Variants in SRPK2 observed in about 807,000 individuals in gnomAD.
SRPK2 encodes the protein SFRS protein kinase 2.
SRPK2 carries 21 observed loss-of-function variants against 90.8 expected under a neutral mutation model. That is an observed-to-expected ratio of 0.23 (90% CI 0.16 to 0.33). The LOEUF (loss-of-function observed/expected upper bound fraction) is 0.33, where lower values mean the gene tolerates loss of function less well. Among genes scored for constraint, SRPK2 ranks in the 10% least tolerant of loss-of-function variants. SRPK2 has a pLI of 1.00. For missense variants in SRPK2, 620 were observed against 869.0 expected, an observed-to-expected ratio of 0.71 and a Z score of 3.60; for synonymous variants, 288 against 311.1, an observed-to-expected ratio of 0.93 and a Z score of 0.78.
chr7:105,253,302 T>C (rs750341449), intron 2 of SRPK2, among the ~76,000 whole-genome samples: 3 of 152,226 alleles, frequency 2.0e-5, no homozygotes, highest in Non-Finnish European at 4.4e-5. Context: ...GTCTACAGCA[T>C]ATCTTATAGC....
intron 3 of SRPK2, among the ~76,000 whole-genome samples, chr7:105,187,770 T>G (rs1793778289): frequency 6.6e-6 from 1 of 152,112 alleles, no homozygotes; most frequent in Non-Finnish European, 1.5e-5. Flanking sequence ...ATATGCGTGG[T>G]GTAGTAAGCA....
intron 3 of SRPK2, among the ~76,000 whole-genome samples, chr7:105,182,768 A>G (rs1437598060): frequency 6.6e-6 from 1 of 152,190 alleles, no homozygotes; most frequent in Non-Finnish European, 1.5e-5. Context: ...GTGCCTGGCA[A>G]GTTTTGACTT....
intron 3 of SRPK2, among the ~76,000 whole-genome samples, chr7:105,195,007 G>A (rs1230136117): frequency 6.6e-6 from 1 of 152,128 alleles, no homozygotes; most frequent in Non-Finnish European, 1.5e-5. Flanking sequence ...ACCACATACT[G>A]CTGACATTTT....
intron 2 of SRPK2, among the ~76,000 whole-genome samples, chr7:105,385,906 C>T (rs1187918053): frequency 6.6e-6 from 1 of 152,104 alleles, no homozygotes; most frequent in Non-Finnish European, 1.5e-5. Context: ...TTAACATGTC[C>T]CATCTTCATT....
intron 2 of SRPK2, among the ~76,000 whole-genome samples, chr7:105,291,447 G>T (rs999866001): frequency 1.3e-5 from 2 of 152,166 alleles, no homozygotes; most frequent in Non-Finnish European, 2.9e-5. Flanking sequence ...CACTTTGTGA[G>T]GCTGGGCACA....
At chr7:105,315,456 A>G (rs1284521941) in intron 2 of SRPK2, among the ~76,000 whole-genome samples, 1 of 152,220 alleles carries the variant, frequency 6.6e-6, no homozygotes, top group Non-Finnish European at 1.5e-5. Flanking sequence ...TCATACATGT[A>G]AAGTGCTTAA....
At chr7:105,363,662 GCCATC>G in intron 2 of SRPK2, among the ~76,000 whole-genome samples, 1 of 152,218 alleles carries the variant, frequency 6.6e-6, no homozygotes, top group East Asian at 1.9e-4. Context: ...ATTTGACCCA[GCCATC>G]TCATTACTGG....
intron 2 of SRPK2, among the ~76,000 whole-genome samples, chr7:105,316,770 T>C (rs887780511): frequency 6.6e-6 from 1 of 152,240 alleles, no homozygotes; most frequent in Non-Finnish European, 1.5e-5. Context: ...TACATCCATG[T>C]GGAGGCAAGC....
At chr7:105,274,014 G>A (rs1468689511) in intron 2 of SRPK2, among the ~76,000 whole-genome samples, 2 of 152,154 alleles carry the variant, frequency 1.3e-5, no homozygotes, top group Non-Finnish European at 2.9e-5. Context: ...AGATACTGGA[G>A]GCAATCACAT....
chr7:105,232,068 G>A (rs1799489615), intron 2 of SRPK2, among the ~76,000 whole-genome samples: 2 of 152,198 alleles, frequency 1.3e-5, no homozygotes, highest in South Asian at 4.2e-4. Flanking sequence ...TGCCTAGACT[G>A]GTCTCGAACT....
chr7:105,298,874 T>A, intron 2 of SRPK2: 1 of 823,184 alleles, frequency 1.2e-6, no homozygotes, highest in Non-Finnish European at 1.5e-6. Context: ...AGGGAGACAA[T>A]GTAGGCCAAC....
At chr7:105,143,001 A>G in intron 10 of SRPK2, 83 bp downstream of exon 10, 1 of 1,525,532 alleles carries the variant, frequency 6.6e-7, no homozygotes, top group Non-Finnish European at 8.8e-7. Flanking sequence ...AGCAGCACAA[A>G]TCAGCCCCCA....
At position 105,132,782 on chromosome 7, in the gene SRPK2, C is replaced by G; in HGVS notation, c.1752+9G>C. 1.3e-6 allele frequency: 2 copies of G among 1,599,496 alleles called. No homozygotes were observed. Among genetic ancestry groups the G allele is most frequent in the South Asian group, 2.2e-5 (2 of 89,536 alleles). ...TTCCCATGGCAGCAAAGGGCACAGC[C>G]GTCCTTACCATACACGCCGTGCTCC... On this transcript the variant is annotated intron_variant, in intron 13 of 15. Coordinates refer to ENST00000393651, the MANE Select transcript of SRPK2 (RefSeq NM_182692.3).
intron 2 of SRPK2, among the ~76,000 whole-genome samples, chr7:105,267,072 A>C (rs1563168829): frequency 6.6e-6 from 1 of 152,240 alleles, no homozygotes; most frequent in Non-Finnish European, 1.5e-5. Flanking sequence ...TGAAGTTATC[A>C]GAAGCAATAG....
At chr7:105,191,869 A>AT (rs1415507851) in intron 3 of SRPK2, among the ~76,000 whole-genome samples, 2 of 150,804 alleles carry the variant, frequency 1.3e-5, no homozygotes, top group Non-Finnish European at 3.0e-5. Flanking sequence ...TTTGTAAAAA[A>AT]AAACAAAAAA....
chr7:105,363,788 T>C (rs1451770432), intron 2 of SRPK2, among the ~76,000 whole-genome samples: 1 of 152,190 alleles, frequency 6.6e-6, no homozygotes, highest in Non-Finnish European at 1.5e-5. Context: ...CCAACCCAAA[T>C]GTCCATCAAT....
chr7:105,384,414 G>C lies in SRPK2; in HGVS notation c.71+4234C>G, dbSNP rs527925638. Among the ~76,000 whole-genome samples, 5 of 152,186 alleles carry C rather than the reference G, an allele frequency of 3.3e-5. No individual in the cohort carries two copies. In the East Asian group the frequency reaches 9.6e-4, roughly 29 times the overall value. On this transcript the variant is annotated intron_variant, in intron 2 of 15. Coordinates refer to ENST00000393651, the MANE Select transcript of SRPK2 (RefSeq NM_182692.3). ...CAATTTCCAGTGTACCATAAAAGTA[G>C]CCTCTAGGAACTGGCTCAATTCATA...
chr7:105,258,432 A>AAAG (rs1563157205), intron 2 of SRPK2, among the ~76,000 whole-genome samples: 7 of 146,674 alleles, frequency 4.8e-5, no homozygotes, highest in African/African-American at 1.5e-4. Flanking sequence ...AAAAAAAAAA[A>AAAG]AAAGAAAGAA....
chr7:105,228,703 A>G (rs761558832), intron 2 of SRPK2, among the ~76,000 whole-genome samples: 1 of 152,192 alleles, frequency 6.6e-6, no homozygotes, highest in Non-Finnish European at 1.5e-5. Flanking sequence ...TGAGCTGCTA[A>G]CACACTGCTG....
Sources: allele counts gnomAD v4.1 joint callset (sites outside exome capture counted in the v4.1 genomes callset), GRCh38; gene constraint gnomAD v4.1.1; transcripts MANE v1.5; gene names NCBI Gene and HGNC (gene_info 2026-07-23, HGNC 2026-07-21).